MARCHF4: variants seen among roughly 807,000 people sequenced by gnomAD.
MARCHF4 encodes the protein E3 ubiquitin-protein ligase MARCHF4.
Under a neutral mutation model 43.9 loss-of-function variants are expected in MARCHF4, and 14 were observed. That is an observed-to-expected ratio of 0.32 (90% CI 0.21 to 0.50). The LOEUF (loss-of-function observed/expected upper bound fraction) is 0.50, where lower values mean the gene tolerates loss of function less well. Among genes scored for constraint, MARCHF4 ranks in the 20% least tolerant of loss-of-function variants. The probability of loss-of-function intolerance (pLI) is 0.98; values close to 1 mark genes in which losing one functional copy is unlikely to be tolerated. For synonymous variants in MARCHF4, 226 were observed against 213.3 expected, an observed-to-expected ratio of 1.06 and a Z score of -0.52; for missense variants, 468 against 536.7, an observed-to-expected ratio of 0.87 and a Z score of 1.27.
At chr2:216,274,575 C>T (rs1690992253) in intron 3 of MARCHF4, among the ~76,000 whole-genome samples, 1 of 152,218 alleles carries the variant, frequency 6.6e-6, no homozygotes, top group South Asian at 2.1e-4. Context: ...TACTGGTTAT[C>T]ATCATTTTAC....
chr2:216,285,674 C>G (rs984449568), intron 1 of MARCHF4, among the ~76,000 whole-genome samples: 1 of 152,194 alleles, frequency 6.6e-6, no homozygotes, highest in African/African-American at 2.4e-5. Flanking sequence ...GTATTTGGCA[C>G]ACCCATCACG....
intron 1 of MARCHF4, among the ~76,000 whole-genome samples, chr2:216,366,588 T>C (rs749379409): frequency 3.9e-5 from 6 of 152,184 alleles, no homozygotes; most frequent in Non-Finnish European, 7.3e-5. Context: ...TGCTATTTCC[T>C]TCACCTGAAA....
At chr2:216,321,248 A>T (rs1691891342) in intron 1 of MARCHF4, among the ~76,000 whole-genome samples, 2 of 152,124 alleles carry the variant, frequency 1.3e-5, no homozygotes, top group Admixed American at 1.3e-4. Flanking sequence ...TTAGATACCG[A>T]CTATGTGCCA....
At chr2:216,261,668 T>C (rs1304233439) in intron 3 of MARCHF4, among the ~76,000 whole-genome samples, 1 of 152,172 alleles carries the variant, frequency 6.6e-6, no homozygotes, top group Non-Finnish European at 1.5e-5. Flanking sequence ...GATGGGCAAC[T>C]GGACATATGA....
At chr2:216,269,067 T>C (rs1690893049) in intron 3 of MARCHF4, among the ~76,000 whole-genome samples, 1 of 152,178 alleles carries the variant, frequency 6.6e-6, no homozygotes, top group South Asian at 2.1e-4. Flanking sequence ...TTTTGCTGAT[T>C]ACCATATTCT....
At chr2:216,348,346 G>A (rs1692352555) in intron 1 of MARCHF4, among the ~76,000 whole-genome samples, 1 of 152,072 alleles carries the variant, frequency 6.6e-6, no homozygotes, top group South Asian at 2.1e-4. Context: ...GCCGGTTAAG[G>A]CATTCTTAGT....
chr2:216,288,577 G>A (rs988998356), intron 1 of MARCHF4, among the ~76,000 whole-genome samples: 1 of 152,078 alleles, frequency 6.6e-6, no homozygotes, highest in Non-Finnish European at 1.5e-5. Context: ...TGTTCCTTAT[G>A]TCACCTTGGG....
At position 216,358,539 on chromosome 2, in the gene MARCHF4, G is replaced by A. The variant is rs78537033; in HGVS notation, c.516+11206C>T. On this transcript the variant is annotated intron_variant, in intron 1 of 3. Transcript: ENST00000273067. Reference sequence around the variant, plus strand: ...CAAGGACAGCAGAAGTAGAAGCAGCGTGGATATTCCAGAGCACAACCTCCT... The same window carrying A: ...CAAGGACAGCAGAAGTAGAAGCAGCATGGATATTCCAGAGCACAACCTCCT... Among the ~76,000 whole-genome samples the A allele has an allele frequency of 6.2e-4, 94 of 152,308 alleles. 2 individuals are homozygous for A. In the East Asian group the frequency reaches 0.015, roughly 24 times the overall value.
intron 3 of MARCHF4, among the ~76,000 whole-genome samples, chr2:216,264,593 A>G (rs927025559): frequency 3.3e-5 from 5 of 152,214 alleles, no homozygotes; most frequent in African/African-American, 4.8e-5. Context: ...TCCGGCAGCT[A>G]ACACAGCACA....
At chr2:216,363,017 C>T (rs1692610960) in intron 1 of MARCHF4, among the ~76,000 whole-genome samples, 1 of 152,110 alleles carries the variant, frequency 6.6e-6, no homozygotes, top group Admixed American at 6.5e-5. Context: ...TCCCTCCAAC[C>T]TCCTCTCCCT....
chr2:216,269,244 G>GT (rs1025515528), intron 3 of MARCHF4, among the ~76,000 whole-genome samples: 11 of 151,912 alleles, frequency 7.2e-5, no homozygotes, highest in African/African-American at 1.9e-4. Flanking sequence ...TTAAAAAAAT[G>GT]TTTTTTTGGT....
At position 216,335,679 on chromosome 2, in the gene MARCHF4, T is replaced by A. The variant is rs530910375; in HGVS notation, c.516+34066A>T. 9.6e-4 allele frequency among the ~76,000 whole-genome samples: 146 copies of A among 152,158 alleles called. 1 individual carries two copies. Among genetic ancestry groups the A allele is most frequent in the Middle Eastern group, 3.4e-3 (1 of 294 alleles). On this transcript the variant is annotated intron_variant, in intron 1 of 3. Coordinates refer to ENST00000273067, the MANE Select transcript of MARCHF4 (RefSeq NM_020814.3). ...AGGCAGCCAAAAAAGAGTACAGAAA[T>A]CTAGGAGAGATTACTTTAATGAGCA...
chr2:216,302,474 C>T (rs1342049058), intron 1 of MARCHF4, among the ~76,000 whole-genome samples: 6 of 151,626 alleles, frequency 4.0e-5, no homozygotes, highest in Non-Finnish European at 7.4e-5. Flanking sequence ...GTGATCCACC[C>T]GCCTCTGCCT....
intron 1 of MARCHF4, among the ~76,000 whole-genome samples, chr2:216,356,373 G>A (rs766027284): frequency 2.0e-5 from 3 of 152,184 alleles, no homozygotes; most frequent in African/African-American, 2.4e-5. Flanking sequence ...TTGGACAGAC[G>A]GGGAAGGAAA....
intron 1 of MARCHF4, among the ~76,000 whole-genome samples, chr2:216,358,769 C>T (rs141073313): frequency 2.1e-3 from 317 of 151,854 alleles, no homozygotes; most frequent in African/African-American, 7.4e-3. Flanking sequence ...GGATTATACT[C>T]CCCACCCCTA....
At chr2:216,282,303 C>T (rs1691141993) in intron 2 of MARCHF4, among the ~76,000 whole-genome samples, 1 of 152,058 alleles carries the variant, frequency 6.6e-6, no homozygotes, top group Non-Finnish European at 1.5e-5. Context: ...CACACACATA[C>T]ACACACACTC....
At chr2:216,271,641 C>T (rs533770745) in intron 3 of MARCHF4, among the ~76,000 whole-genome samples, 3 of 152,292 alleles carry the variant, frequency 2.0e-5, no homozygotes, top group Admixed American at 6.5e-5. Flanking sequence ...CTTTCCTGGG[C>T]TCACACTCAT....
In MARCHF4 at chr2:216,354,979, CTTTCTTTTT is replaced by C. The variant is rs1559106746; in HGVS notation, c.516+14757_516+14765del. On this transcript the variant is annotated intron_variant, in intron 1 of 3. Transcript: ENST00000273067. ...TCTTTCTTTCTTTCTTTCTTTCTTT[CTTTCTTTTT>C]TGAGACAGAGTCTAACTTTGTCACC... Among the ~76,000 whole-genome samples the C allele has an allele frequency of 3.7e-3, 370 of 100,578 alleles. 4 individuals are homozygous for C. Among genetic ancestry groups the C allele is most frequent in the Non-Finnish European group, 2.9e-3 (146 of 50,366 alleles). The allele number at this position is 100,578 out of a possible 152,430, so 66.0% of individuals were successfully genotyped here.
At chr2:216,360,030 A>G (rs1167058788) in intron 1 of MARCHF4, among the ~76,000 whole-genome samples, 1 of 152,090 alleles carries the variant, frequency 6.6e-6, no homozygotes, top group Non-Finnish European at 1.5e-5. Flanking sequence ...TCCTACTAAT[A>G]CACGGTATTC....
Sources: gnomAD v4.1 joint callset for allele counts (sites outside exome capture counted in the v4.1 genomes callset) on GRCh38, gnomAD v4.1.1 for gene constraint, MANE v1.5 for transcripts, NCBI Gene and HGNC (gene_info 2026-07-23, HGNC 2026-07-21) for gene names.